HTR2A: variants seen among roughly 807,000 people sequenced by gnomAD.
The protein encoded by HTR2A is 5-HT2 receptor.
HTR2A carries 14 observed loss-of-function variants against 31.0 expected under a neutral mutation model. The observed-to-expected ratio is 0.45, with a 90% CI of 0.30 to 0.71. HTR2A has a LOEUF of 0.71. Among genes scored for constraint, HTR2A ranks in the 30% least tolerant of loss-of-function variants. The probability of loss-of-function intolerance (pLI) is 0.09; values close to 1 mark genes in which losing one functional copy is unlikely to be tolerated. For missense variants in HTR2A, 442 were observed against 573.3 expected (o/e 0.77, Z 2.34); for synonymous variants, 209 against 225.2 (o/e 0.93, Z 0.64).
intron 3 of HTR2A, among the ~76,000 whole-genome samples, chr13:46,838,642 G>C (rs949680441): frequency 6.6e-6 from 1 of 152,104 alleles, no homozygotes; most frequent in Admixed American, 6.6e-5. Context: ...GCTTCTGCCA[G>C]GGTGACGCCG....
At chr13:46,858,959 T>C (rs971828471) in intron 3 of HTR2A, among the ~76,000 whole-genome samples, 1 of 152,212 alleles carries the variant, frequency 6.6e-6, no homozygotes, top group African/African-American at 2.4e-5. Flanking sequence ...GACGTTCGAA[T>C]TCTTGATCCC....
At chr13:46,858,717 A>G (rs535332161) in intron 3 of HTR2A, among the ~76,000 whole-genome samples, 1 of 152,196 alleles carries the variant, frequency 6.6e-6, no homozygotes, top group Non-Finnish European at 1.5e-5. Flanking sequence ...AATGAATTTT[A>G]GGGATACCGA....
chr13:46,865,680 G>T (rs1950813388), intron 3 of HTR2A, among the ~76,000 whole-genome samples: 2 of 152,206 alleles, frequency 1.3e-5, no homozygotes, highest in Admixed American at 1.3e-4. Flanking sequence ...CAGAGCAGTT[G>T]AATGTTAAAT....
intron 3 of HTR2A, among the ~76,000 whole-genome samples, chr13:46,871,600 A>G (rs1950863501): frequency 6.6e-6 from 1 of 152,204 alleles, no homozygotes; most frequent in South Asian, 2.1e-4. Flanking sequence ...CCAAGAACCA[A>G]CCCAATTTCA....
rs577713056 is a variant in HTR2A, at chr13:46,877,115, G to A, written c.613+15275C>T. Among the ~76,000 whole-genome samples the A allele has an allele frequency of 3.8e-4, 58 of 152,244 alleles. 1 individual carries two copies. The South Asian group carries it at 0.011, about 29-fold the overall frequency. ...TCCACTAATGAGTAGCTGTTATGAT[G>A]AGACCCATGAGGCCTCTAGAAGCTA... On this transcript the variant is annotated intron_variant, in intron 3 of 3. Transcript: ENST00000542664.
chr13:46,896,287 C>T, intron 1 of HTR2A, 53 bp from the exon 2 acceptor site: 2 of 1,037,960 alleles, frequency 1.9e-6, no homozygotes, highest in Non-Finnish European at 2.3e-6. Flanking sequence ...TTAACTATAT[C>T]TCATTTTGTT....
chr13:46,843,294 G>A (rs1185837601), intron 3 of HTR2A, among the ~76,000 whole-genome samples: 2 of 152,170 alleles, frequency 1.3e-5, no homozygotes, highest in Admixed American at 6.5e-5. Context: ...TCACAGGTAT[G>A]TGCACATAGA....
chr13:46,862,577 T>C (rs1423481987), intron 3 of HTR2A, among the ~76,000 whole-genome samples: 1 of 151,954 alleles, frequency 6.6e-6, no homozygotes, highest in African/African-American at 2.4e-5. Context: ...ACTCCAGAAA[T>C]AGAAAAGAGA....
intron 2 of HTR2A, among the ~76,000 whole-genome samples, chr13:46,894,572 C>A (rs2138258768): frequency 6.6e-6 from 1 of 152,328 alleles, no homozygotes; most frequent in African/African-American, 2.4e-5. Flanking sequence ...TTAATCTTAG[C>A]CCCTAAGACT....
chr13:46,849,793 ATTATC>A (rs1412334269), intron 3 of HTR2A, among the ~76,000 whole-genome samples: 1 of 152,044 alleles, frequency 6.6e-6, no homozygotes, highest in African/African-American at 2.4e-5. Flanking sequence ...ACTGTATGAG[ATTATC>A]TTGTTTGGTC....
At chr13:46,838,182 C>T (rs531678053) in intron 3 of HTR2A, among the ~76,000 whole-genome samples, 1 of 152,230 alleles carries the variant, frequency 6.6e-6, no homozygotes, top group Non-Finnish European at 1.5e-5. Flanking sequence ...TTCCTGTACT[C>T]ATGTACAAGG....
intron 3 of HTR2A, among the ~76,000 whole-genome samples, chr13:46,889,889 C>T (rs1951038247): frequency 6.6e-6 from 1 of 152,234 alleles, no homozygotes; most frequent in Non-Finnish European, 1.5e-5. Flanking sequence ...CTTGCCCCCT[C>T]CTCAGGGCAC....
intron 3 of HTR2A, among the ~76,000 whole-genome samples, chr13:46,891,300 A>G (rs1951050666): frequency 6.6e-6 from 1 of 152,230 alleles, no homozygotes; most frequent in South Asian, 2.1e-4. Context: ...TCAGAATTCA[A>G]TAAAATCCTT....
intron 3 of HTR2A, among the ~76,000 whole-genome samples, chr13:46,873,842 G>A (rs570679368): frequency 1.3e-3 from 204 of 152,206 alleles, no homozygotes; most frequent in Non-Finnish European, 1.9e-3. Context: ...TCAAATGTCC[G>A]CAAAAATAGG....
At chr13:46,840,537 A>C (rs780030610) in intron 3 of HTR2A, among the ~76,000 whole-genome samples, 31 of 152,232 alleles carry the variant, frequency 2.0e-4, no homozygotes, top group Non-Finnish European at 2.8e-4. Context: ...CTTATGGGGC[A>C]GATGAAAATC....
At chr13:46,891,139 T>C (rs185843600) in intron 3 of HTR2A, among the ~76,000 whole-genome samples, 32 of 152,368 alleles carry the variant, frequency 2.1e-4, no homozygotes, top group African/African-American at 7.7e-4. Context: ...AATACCTCTG[T>C]ATTCTGGTTT....
chr13:46,844,487 G>A (rs1201179370), intron 3 of HTR2A, among the ~76,000 whole-genome samples: 1 of 152,116 alleles, frequency 6.6e-6, no homozygotes, highest in Non-Finnish European at 1.5e-5. Flanking sequence ...TTTAAGGGAG[G>A]CACATATAGG....
intron 3 of HTR2A, among the ~76,000 whole-genome samples, chr13:46,884,508 C>T (rs571345882): frequency 6.6e-6 from 1 of 152,136 alleles, no homozygotes; most frequent in African/African-American, 2.4e-5. Flanking sequence ...ACTAAAAATA[C>T]AAAAAATTAG....
chr13:46,866,075 G>A (rs1950816345), intron 3 of HTR2A, among the ~76,000 whole-genome samples: 1 of 152,114 alleles, frequency 6.6e-6, no homozygotes, highest in African/African-American at 2.4e-5. Flanking sequence ...AATCATAAGA[G>A]GATTAATTCG....
Sources: gnomAD v4.1 joint callset for allele counts (sites outside exome capture counted in the v4.1 genomes callset) on GRCh38, gnomAD v4.1.1 for gene constraint, MANE v1.5 for transcripts, NCBI Gene and HGNC (gene_info 2026-07-23, HGNC 2026-07-21) for gene names.